CEP63: variants seen among roughly 807,000 people sequenced by gnomAD.
CEP63 encodes centrosomal protein 63, also known as centrosomal protein of 63 kDa.
A neutral mutation model predicts 89.1 loss-of-function variants in CEP63; 84 were observed. That is an observed-to-expected ratio of 0.94 (90% CI 0.79 to 1.13). CEP63 has a LOEUF of 1.13. CEP63 is among the 50% of genes most tolerant of loss of function. The pLI, the probability that CEP63 is intolerant of heterozygous loss-of-function variation, is 0.00. For synonymous variants in CEP63, 267 were observed against 272.5 expected, an observed-to-expected ratio of 0.98 and a Z score of 0.20; for missense variants, 838 against 813.3, an observed-to-expected ratio of 1.03 and a Z score of -0.37.
the CEP63 span, chr3:134,601,003 C>T: frequency 1.3e-5 from 2 of 152,220 alleles, no homozygotes; most frequent in Admixed American, 1.3e-4. Context: ...GCCGGCAGCT[C>T]CGCACTTCGG....
chr3:134,641,096 C>G, the CEP63 span: 2 of 152,408 alleles, frequency 1.3e-5, no homozygotes, highest in African/African-American at 4.8e-5. Flanking sequence ...GGGGCCTTCA[C>G]GCTCACTGCT....
upstream of CEP63, chr3:134,485,972 A>C: frequency 1.0e-6 from 1 of 963,872 alleles, no homozygotes; most frequent in Non-Finnish European, 1.2e-6. Flanking sequence ...CCACCGCGGC[A>C]GACGCTTGCT....
At chr3:134,601,740 C>G in the CEP63 span, among the ~76,000 whole-genome samples, 1 of 152,198 alleles carries the variant, frequency 6.6e-6, no homozygotes, top group Non-Finnish European at 1.5e-5. Context: ...TCGAGGCCGC[C>G]GGCCTGTTGG....
the CEP63 span, among the ~76,000 whole-genome samples, chr3:134,740,284 T>C: frequency 6.7e-6 from 1 of 148,220 alleles, no homozygotes; most frequent in Non-Finnish European, 1.5e-5. Flanking sequence ...ATTTATTTAT[T>C]TATTTATTTA....
At chr3:134,552,055 CA>C (rs938727889) in intron 12 of CEP63, 43 bp downstream of exon 12, 26 of 1,014,986 alleles carry the variant, frequency 2.6e-5, no homozygotes, top group Non-Finnish European at 2.9e-5. Flanking sequence ...TCCAAGCCTT[CA>C]AAAAAATTAC....
At chr3:134,744,625 CT>C in the CEP63 span, among the ~76,000 whole-genome samples, 2 of 152,190 alleles carry the variant, frequency 1.3e-5, no homozygotes, top group Non-Finnish European at 2.9e-5. Flanking sequence ...TGTAATCCCC[CT>C]GCCTCAGTCT....
intron 14 of CEP63, among the ~76,000 whole-genome samples, chr3:134,561,147 T>G (rs993244092): frequency 9.9e-5 from 15 of 152,246 alleles, no homozygotes; most frequent in Admixed American, 8.5e-4. Flanking sequence ...TATGATACTT[T>G]ACATTGTTAC....
At position 134,563,963 on chromosome 3, in the gene CEP63, C is replaced by G. The variant is rs74823407; in HGVS notation, c.*2428C>G. 0.016 allele frequency: 2,462 copies of G among 152,500 alleles called. 54 individuals are homozygous for G. The highest frequency in any genetic ancestry group is 0.055 in the African/African-American group (2,281 of 41,550). The allele number at this position is 152,500 out of a possible 1,614,324, so 9.4% of individuals were successfully genotyped here. A position where few individuals can be genotyped will look rare whatever the true frequency, so the allele number is the denominator to read the frequency against. ...GATTGGCGTTTTCCCCCTTGCAGACCTGCACTCTGGCATCCTCTCCTGAGC... is the reference window on the plus strand; with the variant it reads ...GATTGGCGTTTTCCCCCTTGCAGACGTGCACTCTGGCATCCTCTCCTGAGC... On this transcript the variant is annotated 3_prime_UTR_variant, in exon 15 of 15. Coordinates refer to ENST00000675561, the MANE Select transcript of CEP63 (RefSeq NM_001353108.3).
the CEP63 span, among the ~76,000 whole-genome samples, chr3:134,597,587 T>C: frequency 6.6e-6 from 1 of 152,238 alleles, no homozygotes; most frequent in Non-Finnish European, 1.5e-5. Context: ...GCTTTTGAAC[T>C]GAGGCCAAGC....
intron 3 of CEP63, among the ~76,000 whole-genome samples, chr3:134,510,151 G>A (rs1258605348): frequency 6.6e-6 from 1 of 152,188 alleles, no homozygotes; most frequent in East Asian, 1.9e-4. Flanking sequence ...GCTAGGGAGG[G>A]AAATTGAGCA....
chr3:134,708,350 G>T, the CEP63 span, among the ~76,000 whole-genome samples: 2 of 152,222 alleles, frequency 1.3e-5, no homozygotes, highest in African/African-American at 2.4e-5. Flanking sequence ...CAGGGGAATG[G>T]GTTGCAGAGG....
the CEP63 span, among the ~76,000 whole-genome samples, chr3:134,760,149 C>T: frequency 1.3e-5 from 2 of 151,180 alleles, no homozygotes; most frequent in African/African-American, 2.4e-5. Context: ...AGCTCCGCCT[C>T]CCGGGTTCAC....
At chr3:134,515,018 C>T (rs534743326) in intron 3 of CEP63, among the ~76,000 whole-genome samples, 17 of 152,202 alleles carry the variant, frequency 1.1e-4, no homozygotes, top group East Asian at 3.9e-4. Context: ...GCCCAGCTAA[C>T]GGTAATTGCC....
At chr3:134,740,634 T>C in the CEP63 span, among the ~76,000 whole-genome samples, 1 of 152,136 alleles carries the variant, frequency 6.6e-6, no homozygotes, top group Non-Finnish European at 1.5e-5. Flanking sequence ...CGACCTTGGA[T>C]TCTTACCTCT....
the CEP63 span, among the ~76,000 whole-genome samples, chr3:134,635,493 T>TAAAAAAA: frequency 3.8e-5 from 3 of 79,332 alleles, no homozygotes; most frequent in African/African-American, 9.8e-5. Flanking sequence ...CGAGACTCTG[T>TAAAAAAA]AAAAAAAAAA....
chr3:134,619,116 G>C, the CEP63 span: 1 of 1,550,530 alleles, frequency 6.4e-7, no homozygotes, highest in South Asian at 1.1e-5. Context: ...GATGGGTCCG[G>C]TGGTCAGCAT....
chr3:134,739,705 T>G, the CEP63 span, among the ~76,000 whole-genome samples: 9,288 of 150,528 alleles, frequency 0.062, 310 homozygotes, highest in Middle Eastern at 0.086. Flanking sequence ...CAATGCTTGT[T>G]TTTTTTTTTT....
intron 10 of CEP63, among the ~76,000 whole-genome samples, chr3:134,549,645 TA>T (rs1219444162): frequency 6.6e-6 from 1 of 152,200 alleles, no homozygotes; most frequent in Admixed American, 6.5e-5. Context: ...GTTTGATTTG[TA>T]TTTTTTGTTA....
chr3:134,608,454 T>A, the CEP63 span: 1 of 1,523,602 alleles, frequency 6.6e-7, no homozygotes, highest in Non-Finnish European at 8.8e-7. Context: ...CCTATGGCCC[T>A]TCCCTGCCCT....
Sources: gnomAD v4.1 joint callset for allele counts (sites outside exome capture counted in the v4.1 genomes callset) on GRCh38, gnomAD v4.1.1 for gene constraint, MANE v1.5 for transcripts, NCBI Gene and HGNC (gene_info 2026-07-23, HGNC 2026-07-21) for gene names.